SBF2: variants seen among roughly 807,000 people sequenced by gnomAD.
The protein encoded by SBF2 is SET binding factor 2, also known as myotubularin-related protein 13.
Under a neutral mutation model 225.2 loss-of-function variants are expected in SBF2, and 112 were observed. That is an observed-to-expected ratio of 0.50 (90% CI 0.43 to 0.58). SBF2 has a LOEUF of 0.58. SBF2 is among the 20% of genes least tolerant of loss of function. SBF2 has a pLI of 0.00. For missense variants in SBF2, 1,996 were observed against 2,206.2 expected, an observed-to-expected ratio of 0.90 and a Z score of 1.91; for synonymous variants, 763 against 773.3, an observed-to-expected ratio of 0.99 and a Z score of 0.22.
chr11:10,038,724 C>A (rs958137961), intron 3 of SBF2, among the ~76,000 whole-genome samples: 3 of 151,810 alleles, frequency 2.0e-5, no homozygotes, highest in Non-Finnish European at 4.4e-5. Context: ...TTACAAAATT[C>A]ATTCCCTCTC....
At chr11:9,866,630 A>G (rs1478668649) in intron 17 of SBF2, among the ~76,000 whole-genome samples, 1 of 152,256 alleles carries the variant, frequency 6.6e-6, no homozygotes, top group African/African-American at 2.4e-5. Flanking sequence ...AACTACTAGA[A>G]GAAAATATTG....
chr11:10,186,750 C>G (rs1039879342), intron 2 of SBF2, among the ~76,000 whole-genome samples: 6 of 152,170 alleles, frequency 3.9e-5, no homozygotes, highest in African/African-American at 1.4e-4. Context: ...TGACCAGCCC[C>G]TATCCTGAAA....
rs893242836 is a variant in SBF2, at chr11:10,166,994, G to C, written c.141+26908C>G. Among the ~76,000 whole-genome samples the C allele has an allele frequency of 1.4e-4, 18 of 132,526 alleles. No individual in the cohort carries two copies. The South Asian group carries it at 4.1e-3, about 30-fold the overall frequency. 86.9% of individuals were successfully genotyped at this position (132,526 alleles called of 152,430 possible). A position where few individuals can be genotyped will look rare whatever the true frequency, so the allele number is the denominator to read the frequency against. On this transcript the variant is annotated intron_variant, in intron 2 of 39. Transcript: ENST00000256190. Reference sequence around the variant, plus strand: ...ACACACACACACACACACACAAAAAGGCTACTAATTGAAAAGTTCAGTACC... The same window carrying C: ...ACACACACACACACACACACAAAAACGCTACTAATTGAAAAGTTCAGTACC...
Position 9,967,316 on chromosome 11 carries a change from G to A in SBF2, c.1600+1025C>T, listed in dbSNP as rs1485195625. Reference sequence around the variant, plus strand: ...GAGCCCGGGAGGCGGAGCTTGCAGTGAGCCGAGATTGCTCCACTGCACTCC... The same window carrying A: ...GAGCCCGGGAGGCGGAGCTTGCAGTAAGCCGAGATTGCTCCACTGCACTCC... On this transcript the variant is annotated intron_variant, in intron 14 of 39. Coordinates refer to ENST00000256190, the MANE Select transcript of SBF2 (RefSeq NM_030962.4). Among the ~76,000 whole-genome samples, 4 of 151,156 alleles carry A rather than the reference G, an allele frequency of 2.6e-5. No individual in the cohort carries two copies. The East Asian group carries it at 5.8e-4, about 22-fold the overall frequency.
chr11:9,852,599 T>G, intron 21 of SBF2, 77 bp downstream of exon 21: 4 of 1,063,098 alleles, frequency 3.8e-6, no homozygotes, highest in Non-Finnish European at 4.4e-6. Flanking sequence ...GTGAACATCC[T>G]TTCCTGGCAC....
intron 2 of SBF2, among the ~76,000 whole-genome samples, chr11:10,056,938 G>A (rs1950276247): frequency 6.6e-6 from 1 of 151,904 alleles, no homozygotes; most frequent in African/African-American, 2.4e-5. Context: ...GTTTTTTTAA[G>A]CAGTTCCAAT....
chr11:9,810,748 T>C (rs919989434), intron 30 of SBF2: 1 of 152,234 alleles, frequency 6.6e-6, no homozygotes, highest in South Asian at 2.1e-4. Context: ...AGGGAATGTA[T>C]ATACATTTCT....
At chr11:10,109,198 T>TATAA (rs1952721485) in intron 2 of SBF2, among the ~76,000 whole-genome samples, 1 of 152,138 alleles carries the variant, frequency 6.6e-6, no homozygotes, top group African/African-American at 2.4e-5. Context: ...TATATATATA[T>TATAA]ATATGCAAAT....
intron 16 of SBF2, among the ~76,000 whole-genome samples, chr11:9,928,576 G>T (rs1319231964): frequency 6.6e-6 from 1 of 152,084 alleles, no homozygotes; most frequent in Non-Finnish European, 1.5e-5. Context: ...ATACTATAGG[G>T]TCCAGCCAAT....
intron 1 of SBF2, among the ~76,000 whole-genome samples, chr11:10,197,647 A>G (rs913505245): frequency 6.6e-6 from 1 of 152,214 alleles, no homozygotes; most frequent in Admixed American, 6.5e-5. Flanking sequence ...TTTCTTTCAC[A>G]AAAAATTTAT....
intron 2 of SBF2, among the ~76,000 whole-genome samples, chr11:10,081,986 CTTGACTAACCACGAAAA>C: frequency 6.6e-6 from 1 of 151,824 alleles, no homozygotes; most frequent in Non-Finnish European, 1.5e-5. Context: ...TGATAGAACA[CTTGACTAACCACGAAAA>C]GGAGAGAAGA....
intron 27 of SBF2, among the ~76,000 whole-genome samples, chr11:9,830,770 C>CAAAAAAAAAAAAAAAAAAAAA (rs1206347819): frequency 7.3e-6 from 1 of 137,530 alleles, no homozygotes; most frequent in South Asian, 2.3e-4. Context: ...AAAAACAAAA[C>CAAAAAAAAAAAAAAAAAAAAA]AAAACAAAAA....
rs560094134 is a variant in SBF2 at position 10,002,037 on chromosome 11, A to T, written c.752+520T>A. 3.8e-3 allele frequency among the ~76,000 whole-genome samples: 579 copies of T among 152,284 alleles called. 4 individuals carry two copies. The highest frequency in any genetic ancestry group is 5.4e-3 in the South Asian group (26 of 4,822). ...TTTTAACATATCCCATAAAAAAAAC[A>T]GAGGAAAAAATTACAACGAAGCCCT... is the stretch of plus-strand genomic sequence containing the variant. On this transcript the variant is annotated intron_variant, in intron 7 of 39. Coordinates refer to ENST00000256190, the MANE Select transcript of SBF2 (RefSeq NM_030962.4).
At chr11:9,877,673 T>C (rs1397283821) in intron 17 of SBF2, among the ~76,000 whole-genome samples, 1 of 152,240 alleles carries the variant, frequency 6.6e-6, no homozygotes, top group Non-Finnish European at 1.5e-5. Flanking sequence ...TGCGATAGTT[T>C]GCTGAGAATG....
At chr11:10,269,181 C>T (rs1013493758) in intron 1 of SBF2, among the ~76,000 whole-genome samples, 4 of 152,160 alleles carry the variant, frequency 2.6e-5, no homozygotes, top group African/African-American at 4.8e-5. Context: ...ATAATGTTTC[C>T]AGAGCTATGT....
chr11:10,064,242 T>C (rs959151581), intron 2 of SBF2, among the ~76,000 whole-genome samples: 9 of 152,098 alleles, frequency 5.9e-5, no homozygotes, highest in African/African-American at 9.7e-5. Context: ...TCTTATACTA[T>C]AGGAAAAGTG....
intron 8 of SBF2, 140 bp downstream of exon 8, chr11:10,000,774 A>G: frequency 3.3e-6 from 2 of 611,990 alleles, no homozygotes; most frequent in Non-Finnish European, 5.9e-6. Flanking sequence ...CTTTTCAATG[A>G]TATTTTTCTT....
chr11:10,061,596 C>T (rs145252569), intron 2 of SBF2, among the ~76,000 whole-genome samples: 3 of 152,026 alleles, frequency 2.0e-5, no homozygotes, highest in African/African-American at 7.3e-5. Flanking sequence ...ACAATTCCCA[C>T]ACATAAAATA....
chr11:10,267,864 A>T (rs896520469), intron 1 of SBF2, among the ~76,000 whole-genome samples: 1 of 152,188 alleles, frequency 6.6e-6, no homozygotes, highest in African/African-American at 2.4e-5. Flanking sequence ...AAAAATCTTC[A>T]GTGTTTCACT....
Sources: gnomAD v4.1 joint callset for allele counts (sites outside exome capture counted in the v4.1 genomes callset) on GRCh38, gnomAD v4.1.1 for gene constraint, MANE v1.5 for transcripts, NCBI Gene and HGNC (gene_info 2026-07-23, HGNC 2026-07-21) for gene names.